Variants in TMPRSS7 observed in about 807,000 individuals in gnomAD.
TMPRSS7 encodes the protein transmembrane serine protease 7.
In TMPRSS7, 81 loss-of-function variants were observed where a neutral mutation model predicts 95.6. That is an observed-to-expected ratio of 0.85 (90% CI 0.71 to 1.02). TMPRSS7 has a LOEUF of 1.02. Ranked by LOEUF, TMPRSS7 falls within the 50% of genes least tolerant of loss-of-function variation. TMPRSS7 has a pLI of 0.00. For synonymous variants in TMPRSS7, 364 were observed against 337.8 expected (o/e 1.08, Z -0.85); for missense variants, 945 against 955.2 (o/e 0.99, Z 0.14).
At chr3:112,037,957 A>G in intron 1 of TMPRSS7, 115 bp from the exon 2 acceptor site, 1 of 609,264 alleles carries the variant, frequency 1.6e-6, no homozygotes, top group East Asian at 2.7e-5. Flanking sequence ...ATAAATATGA[A>G]TGCTTAAATA....
chr3:112,061,033 G>A (rs894233077), intron 10 of TMPRSS7, among the ~76,000 whole-genome samples: 1 of 152,044 alleles, frequency 6.6e-6, no homozygotes, highest in African/African-American at 2.4e-5. Context: ...TTACCCCCAA[G>A]CCTTGTGTCT....
At chr3:112,080,547 C>T (rs1445277890) in intron 17 of TMPRSS7, among the ~76,000 whole-genome samples, 37 of 112,122 alleles carry the variant, frequency 3.3e-4, no homozygotes, top group East Asian at 1.8e-3. Flanking sequence ...ACTACTACTA[C>T]CACCACTACT....
At chr3:112,056,519 A>G (rs1406997506) in intron 9 of TMPRSS7, among the ~76,000 whole-genome samples, 1 of 152,142 alleles carries the variant, frequency 6.6e-6, no homozygotes, top group Non-Finnish European at 1.5e-5. Context: ...ACACACACAC[A>G]TTTGCTCATA....
chr3:112,075,343 C>T, exon 15 of TMPRSS7: 2 of 1,438,030 alleles, frequency 1.4e-6, no homozygotes, highest in Non-Finnish European at 1.8e-6. Flanking sequence ...GTTCCTCCGC[C>T]CTTCACCGCA....
At chr3:112,044,800 T>C (rs1250643274) in intron 4 of TMPRSS7, among the ~76,000 whole-genome samples, 3 of 135,998 alleles carry the variant, frequency 2.2e-5, no homozygotes, top group African/African-American at 8.1e-5. Context: ...CACAATCCAC[T>C]TTGACATATT....
intron 10 of TMPRSS7, among the ~76,000 whole-genome samples, chr3:112,059,367 C>T (rs1314020498): frequency 6.6e-6 from 1 of 152,178 alleles, no homozygotes; most frequent in Non-Finnish European, 1.5e-5. Context: ...TCGTGTTTCT[C>T]AGTTTTAAAA....
chr3:112,034,817 C>T (rs1485402501), upstream of TMPRSS7: 1 of 702,702 alleles, frequency 1.4e-6, no homozygotes, highest in Admixed American at 2.0e-5. Context: ...TGAGACACCC[C>T]TGGATGATCA....
chr3:112,038,840 T>A (rs1362924656), intron 2 of TMPRSS7, among the ~76,000 whole-genome samples: 3 of 152,230 alleles, frequency 2.0e-5, no homozygotes, highest in East Asian at 3.9e-4. Context: ...TCTTTTTTTT[T>A]TTTACCAACA....
At chr3:112,041,850 T>C (rs574978531) in intron 2 of TMPRSS7, 70 bp from the exon 3 acceptor site, 56 of 1,018,692 alleles carry the variant, frequency 5.5e-5, no homozygotes, top group Admixed American at 4.2e-4. Flanking sequence ...CATACTGACA[T>C]AGCTCAGACA....
chr3:112,066,350 G>T (rs73856331), intron 12 of TMPRSS7, 42 bp from the exon 13 acceptor site: 1 of 1,569,056 alleles, frequency 6.4e-7, no homozygotes, highest in Non-Finnish European at 8.8e-7. Context: ...CCCAGCTGGT[G>T]TCTCAGGCTC....
chr3:112,041,231 A>C (rs2073203890), intron 2 of TMPRSS7, among the ~76,000 whole-genome samples: 3 of 151,708 alleles, frequency 2.0e-5, no homozygotes, highest in Admixed American at 2.0e-4. Context: ...ACAGGAGTTC[A>C]ATCCTTCTGC....
chr3:112,041,719 ATATTCTGAGATACGGT>A (rs955647142), intron 2 of TMPRSS7, among the ~76,000 whole-genome samples, 185 bp from the exon 3 acceptor site: 1 of 152,204 alleles, frequency 6.6e-6, no homozygotes, highest in African/African-American at 2.4e-5. Context: ...GACAGAAGGA[ATATTCTGAGATACGGT>A]TATTTGCTGC....
intron 10 of TMPRSS7, among the ~76,000 whole-genome samples, chr3:112,060,963 G>A (rs922487563): frequency 1.3e-5 from 2 of 152,110 alleles, no homozygotes; most frequent in Admixed American, 6.5e-5. Flanking sequence ...CAGAATCCAC[G>A]TTCTTCTGCC....
chr3:112,073,148 G>A (rs186804312), intron 13 of TMPRSS7, among the ~76,000 whole-genome samples: 1 of 148,304 alleles, frequency 6.7e-6, no homozygotes, highest in Non-Finnish European at 1.5e-5. Context: ...CTGGAGTGCA[G>A]TGGCACAGTC....
chr3:112,041,944 T>C (rs1255331416), exon 3 of TMPRSS7: 1 of 1,550,596 alleles, frequency 6.4e-7, no homozygotes, highest in African/African-American at 1.4e-5. Flanking sequence ...AAAGATGCTT[T>C]TTACTTTGCT....
chr3:112,052,058 G>A (rs1334599509), intron 9 of TMPRSS7, among the ~76,000 whole-genome samples: 1 of 151,982 alleles, frequency 6.6e-6, no homozygotes, highest in African/African-American at 2.4e-5. Flanking sequence ...AGTAGGGGAA[G>A]GCAAGTAATA....
intron 9 of TMPRSS7, among the ~76,000 whole-genome samples, chr3:112,051,793 T>G (rs1241757709): frequency 6.6e-6 from 1 of 152,144 alleles, no homozygotes; most frequent in Non-Finnish European, 1.5e-5. Flanking sequence ...TTTCTCCACC[T>G]ATAATATCAC....
chr3:112,047,689 G>C (rs1391880882), intron 6 of TMPRSS7, 50 bp from the exon 7 acceptor site: 1 of 1,380,454 alleles, frequency 7.2e-7, no homozygotes, highest in Admixed American at 2.1e-5. Flanking sequence ...TTTTATAAAA[G>C]TCATTCCTAA....
rs116542268 is a variant in TMPRSS7 at position 112,063,557 on chromosome 3, G to A, written c.1480G>A (p.Gly494Ser). 1.6e-3 allele frequency: 2,622 copies of A among 1,613,924 alleles called. 37 individuals carry two copies. In the African/African-American group the frequency reaches 0.029, roughly 18 times the overall value. ...TGTTGGATCTTTTAGATGCTCCTCC[G>A]GTTTATGTGTCCCTCAGGCCCAGCG... is the stretch of plus-strand genomic sequence containing the variant. The change falls in exon 12 of 18, where the codon GGT becomes AGT. Residue 494 changes from glycine to serine, a missense_variant. Transcript: ENST00000452346.
Sources: allele counts gnomAD v4.1 joint callset (sites outside exome capture counted in the v4.1 genomes callset), GRCh38; gene constraint gnomAD v4.1.1; transcripts MANE v1.5; gene names NCBI Gene and HGNC (gene_info 2026-07-23, HGNC 2026-07-21).